Variants in SRCIN1 observed in about 807,000 individuals in gnomAD.
SRCIN1 encodes the protein P130Cas-associated protein.
In SRCIN1, 50 loss-of-function variants were observed where a neutral mutation model predicts 116.2. The observed-to-expected ratio is 0.43, with a 90% CI of 0.34 to 0.54. The LOEUF is 0.54. Ranked by LOEUF, SRCIN1 falls within the 20% of genes least tolerant of loss-of-function variation. The pLI, the probability that SRCIN1 is intolerant of heterozygous loss-of-function variation, is 0.02. For synonymous variants in SRCIN1, 736 were observed against 750.0 expected (o/e 0.98, Z 0.30); for missense variants, 1,446 against 1,672.0 (o/e 0.86, Z 2.36).
chr17:38,534,719 G>A (rs2040975832), intron 18 of SRCIN1, among the ~76,000 whole-genome samples: 1 of 152,174 alleles, frequency 6.6e-6, no homozygotes, highest in Non-Finnish European at 1.5e-5. Flanking sequence ...TAAAGAACCA[G>A]CGCTGGCTGC....
rs1906338233 is a variant in SRCIN1, at chr17:38,562,468, A to C, written c.835-140T>G. On this transcript the variant is annotated intron_variant, in intron 6 of 18. Transcript: ENST00000617146. This position sits in a 1 kb window ranked among gnomAD's most constrained non-coding sequence, Gnocchi z 4.2. ...GCCCTCCCTCCATCCTGCTGCGTCT[A>C]GGGTCCCTTTCCCATCAGGGTTCCT... 3 of 1,084,886 alleles carry C rather than the reference A, an allele frequency of 2.8e-6. No individual in the cohort carries two copies. The highest frequency in any genetic ancestry group is 3.1e-5 in the East Asian group (1 of 32,372). The allele number at this position is 1,084,886 out of a possible 1,614,324, so 67.2% of individuals were successfully genotyped here. A position where few individuals can be genotyped will look rare whatever the true frequency, so the allele number is the denominator to read the frequency against.
intron 2 of SRCIN1, chr17:38,574,992 G>A (rs1038220513): frequency 1.5e-5 from 6 of 400,886 alleles, no homozygotes; most frequent in Non-Finnish European, 2.7e-5. Context: ...TGCGAAGCGG[G>A]GGACACCCCA....
chr17:38,557,477 C>T (rs1293068601), intron 11 of SRCIN1, among the ~76,000 whole-genome samples: 2 of 152,220 alleles, frequency 1.3e-5, no homozygotes, highest in Non-Finnish European at 2.9e-5. Flanking sequence ...AAGGAAGGAG[C>T]AGGGCCTCTG....
rs766028835 is a variant in SRCIN1 at position 38,564,356 on chromosome 17, C to A, written c.346-43G>T. 1,275 of 1,442,032 alleles carry A rather than the reference C, an allele frequency of 8.8e-4. 1 individual carries two copies. Among genetic ancestry groups the A allele is most frequent in the Non-Finnish European group, 1.0e-3 (1,152 of 1,101,672 alleles). The allele number at this position is 1,442,032 out of a possible 1,614,324, so 89.3% of individuals were successfully genotyped here. The stretch of plus-strand genomic sequence containing the variant: ...GGTGAGAGGAACCAAGGATGAGCAC[C>A]CCCCCTCCCCTTTGCTTGTCACTGC... On this transcript the variant is annotated intron_variant, in intron 3 of 18. Coordinates refer to ENST00000617146, the MANE Select transcript of SRCIN1 (RefSeq NM_025248.3).
In SRCIN1 at chr17:38,533,139, G is replaced by C; in HGVS notation, c.*158C>G. ...AAAACCAAAAACACCAACAGATGAT[G>C]GGTAGGGGTCGCTGAGGAGGGCCGC... is the stretch of plus-strand genomic sequence containing the variant. On this transcript the variant is annotated 3_prime_UTR_variant, in exon 19 of 19. Transcript: ENST00000617146. 1 of 627,010 alleles carries C rather than the reference G, an allele frequency of 1.6e-6. No individual in the cohort carries two copies. Among genetic ancestry groups the C allele is most frequent in the Non-Finnish European group, 2.3e-6 (1 of 433,780 alleles). The allele number at this position is 627,010 out of a possible 1,614,324, so 38.8% of individuals were successfully genotyped here.
intron 18 of SRCIN1, chr17:38,543,067 C>A (rs1018416494): frequency 4.4e-6 from 2 of 456,610 alleles, no homozygotes; most frequent in African/African-American, 2.0e-5. Flanking sequence ...GACCAGGCCA[C>A]AAGGGCAGTA....
chr17:38,540,850 G>T (rs757214563), intron 18 of SRCIN1, among the ~76,000 whole-genome samples: 11 of 152,138 alleles, frequency 7.2e-5, no homozygotes, highest in African/African-American at 2.7e-4. Context: ...TCAGTTAGAG[G>T]TGACAGAAGT....
At chr17:38,597,805 A>G (rs1004095499) in intron 1 of SRCIN1, among the ~76,000 whole-genome samples, 8 of 152,126 alleles carry the variant, frequency 5.3e-5, no homozygotes, top group Admixed American at 4.6e-4. Flanking sequence ...TCCTATGGGC[A>G]ATAAGGTAGA....
chr17:38,595,163 T>TA (rs34741509), intron 1 of SRCIN1, among the ~76,000 whole-genome samples: 9,668 of 152,190 alleles, frequency 0.064, 1,044 homozygotes, highest in African/African-American at 0.22. Context: ...TGGTTGCTGT[T>TA]AGACTCTGAG....
At chr17:38,590,772 C>T (rs1191718637) in intron 1 of SRCIN1, among the ~76,000 whole-genome samples, 2 of 152,208 alleles carry the variant, frequency 1.3e-5, no homozygotes, top group Non-Finnish European at 2.9e-5. Context: ...TCTTCTTTCC[C>T]CTACACTCTG....
At position 38,558,429 on chromosome 17, in the gene SRCIN1, C is replaced by T. The variant is rs746381377; in HGVS notation, c.2026-27G>A. On this transcript the variant is annotated intron_variant, in intron 10 of 18. Transcript: ENST00000617146. This position sits in a 1 kb window ranked among gnomAD's most constrained non-coding sequence, Gnocchi z 4.6. ...TGCGGGACGCACGGACGGATGGACCCGGGTGGGGGGAGCGGAGCCGCGAGG... is the reference window on the plus strand; with the variant it reads ...TGCGGGACGCACGGACGGATGGACCTGGGTGGGGGGAGCGGAGCCGCGAGG... 9 of 1,566,996 alleles carry T rather than the reference C, an allele frequency of 5.7e-6. No homozygotes were observed. Among genetic ancestry groups the T allele is most frequent in the Non-Finnish European group, 7.7e-6 (9 of 1,163,194 alleles).
chr17:38,584,797 T>G (rs573517622), intron 1 of SRCIN1, among the ~76,000 whole-genome samples: 1 of 152,244 alleles, frequency 6.6e-6, no homozygotes, highest in South Asian at 2.1e-4. Flanking sequence ...TGGCTGCCCC[T>G]GGGCAACATT....
chr17:38,548,804 C>T (rs1233948520), intron 16 of SRCIN1, 95 bp from the exon 17 acceptor site: 25 of 1,427,350 alleles, frequency 1.8e-5, no homozygotes, highest in South Asian at 2.9e-5. Flanking sequence ...CCCAGCTTCT[C>T]GTCTGCTACT....
Position 38,563,717 on chromosome 17 carries a change from C to G in SRCIN1, c.542-196G>C, listed in dbSNP as rs1394369720. 2 of 772,662 alleles carry G rather than the reference C, an allele frequency of 2.6e-6. No individual in the cohort carries two copies. The highest frequency in any genetic ancestry group is 5.3e-5 in the East Asian group (2 of 37,502). 47.9% of individuals were successfully genotyped at this position (772,662 alleles called of 1,614,324 possible). ...GCGCCAGGCCGGCTCTCCAGCCTCT[C>G]AAGGCACCCACTGGACTCCAGGCAG... On this transcript the variant is annotated intron_variant, in intron 4 of 18. Transcript: ENST00000617146. The surrounding 1 kb of genome is among the most constrained non-coding windows in gnomAD (Gnocchi z 5.8).
chr17:38,599,133 AGAG>A (rs1458696866), intron 1 of SRCIN1, among the ~76,000 whole-genome samples: 1 of 151,892 alleles, frequency 6.6e-6, no homozygotes, highest in Non-Finnish European at 1.5e-5. Context: ...ATCTCAAGGG[AGAG>A]GAGGTAGAGA....
At chr17:38,535,647 C>T (rs532781807) in intron 18 of SRCIN1, among the ~76,000 whole-genome samples, 7 of 152,174 alleles carry the variant, frequency 4.6e-5, no homozygotes, top group Non-Finnish European at 1.0e-4. Flanking sequence ...TCTCTGTGCC[C>T]CCAGTACCTG....
intron 1 of SRCIN1, among the ~76,000 whole-genome samples, chr17:38,599,374 C>T (rs963757000): frequency 6.6e-5 from 10 of 152,190 alleles, no homozygotes; most frequent in African/African-American, 1.7e-4. Context: ...CTCCCTCTCC[C>T]GGAGCACTGG....
chr17:38,587,759 G>A (rs892393096), intron 1 of SRCIN1, among the ~76,000 whole-genome samples: 1 of 152,140 alleles, frequency 6.6e-6, no homozygotes, highest in African/African-American at 2.4e-5. Flanking sequence ...AAAAGCTGGG[G>A]TCCATGGCCC....
rs1906875335 is a variant in SRCIN1, at chr17:38,568,674, C to T, written c.325-443G>A. On this transcript the variant is annotated intron_variant, in intron 2 of 18. Transcript: ENST00000617146. This position sits in a 1 kb window ranked among gnomAD's most constrained non-coding sequence, Gnocchi z 4.5. The stretch of plus-strand genomic sequence containing the variant: ...GCCTGCTGGGCAGAGGGGAAGTGCC[C>T]AGGGGCAGACAAGTGGAGGGGGGTT... Among the ~76,000 whole-genome samples, 1 of 152,044 alleles carries T rather than the reference C, an allele frequency of 6.6e-6. No homozygotes were observed. The highest frequency in any genetic ancestry group is 6.6e-5 in the Admixed American group (1 of 15,266).
Sources: allele counts gnomAD v4.1 joint callset (sites outside exome capture counted in the v4.1 genomes callset), GRCh38; gene constraint gnomAD v4.1.1; non-coding constraint Gnocchi (gnomAD v3.1); transcripts MANE v1.5; gene names NCBI Gene and HGNC (gene_info 2026-07-23, HGNC 2026-07-21).